PEX7: variants seen among roughly 807,000 people sequenced by gnomAD.
The protein encoded by PEX7 is PTS2 receptor.
A neutral mutation model predicts 47.5 loss-of-function variants in PEX7; 34 were observed. The observed-to-expected ratio is 0.72, with a 90% CI of 0.54 to 0.95. The LOEUF is 0.95. PEX7 is among the 40% of genes least tolerant of loss of function. The pLI is 0.00. For synonymous variants in PEX7, 141 were observed against 148.8 expected (o/e 0.95, Z 0.38); for missense variants, 394 against 400.3 (o/e 0.98, Z 0.13).
chr6:136,909,190 A>T (rs1775894604), intron 9 of PEX7, among the ~76,000 whole-genome samples: 1 of 152,220 alleles, frequency 6.6e-6, no homozygotes, highest in South Asian at 2.1e-4. Flanking sequence ...AAATGGATGA[A>T]TAGGTGTATA....
chr6:136,823,420 G>A (rs1157950135), intron 1 of PEX7: 1 of 917,914 alleles, frequency 1.1e-6, no homozygotes, highest in Middle Eastern at 5.5e-4. Flanking sequence ...CCCGTCGCGC[G>A]CATTGGCTCA....
intron 3 of PEX7, among the ~76,000 whole-genome samples, chr6:136,841,358 C>T (rs967628094): frequency 6.6e-6 from 1 of 152,158 alleles, no homozygotes; most frequent in African/African-American, 2.4e-5. Context: ...TCCTCAGGCA[C>T]AAAACCTTGG....
chr6:136,827,165 GC>G (rs1290873224), intron 3 of PEX7, among the ~76,000 whole-genome samples: 259 of 152,228 alleles, frequency 1.7e-3, no homozygotes, highest in African/African-American at 6.0e-3. Context: ...ACAGTGCCTG[GC>G]CCGAGAAGGC....
In PEX7 at chr6:136,866,775, T is replaced by C. The variant is rs761643013; in HGVS notation, c.633+42T>C. The C allele has an allele frequency of 2.7e-6, 4 of 1,501,192 alleles. No individual in the cohort carries two copies. The South Asian group carries it at 3.4e-5, about 13-fold the overall frequency. 93.0% of individuals were successfully genotyped at this position (1,501,192 alleles called of 1,614,324 possible). ...TATCCTATGCTGCTGTCCTTCCTAATGTTAAAATGTTCTGAATTTTATTTG... is the reference window on the plus strand; with the variant it reads ...TATCCTATGCTGCTGTCCTTCCTAACGTTAAAATGTTCTGAATTTTATTTG... On this transcript the variant is annotated intron_variant, in intron 6 of 9. Transcript: ENST00000318471.
intron 1 of PEX7, chr6:136,823,015 TG>T (rs1341547269): frequency 1.0e-6 from 1 of 985,342 alleles, no homozygotes; most frequent in Non-Finnish European, 1.2e-6. Flanking sequence ...TGTGTGCAAG[TG>T]CATATACGTG....
At chr6:136,904,461 C>T (rs570935058) in intron 9 of PEX7, among the ~76,000 whole-genome samples, 12 of 152,214 alleles carry the variant, frequency 7.9e-5, no homozygotes, top group South Asian at 6.2e-4. Context: ...GCTGTGTCCC[C>T]GCCCAAATCT....
In PEX7 at chr6:136,910,136, C is replaced by G. The variant is rs139344545; in HGVS notation, c.904-3322C>G. 1.3e-3 allele frequency among the ~76,000 whole-genome samples: 196 copies of G among 152,318 alleles called. 5 individuals carry two copies. The East Asian group carries it at 0.034, about 26-fold the overall frequency. On this transcript the variant is annotated intron_variant, in intron 9 of 9. Transcript: ENST00000318471. ...ACAGGTTTAGGTTCTGGCTGTAGCTCTGCTACTCTATTGTGAACATGAGGA... is the reference window on the plus strand; with the variant it reads ...ACAGGTTTAGGTTCTGGCTGTAGCTGTGCTACTCTATTGTGAACATGAGGA...
chr6:136,823,638 C>T (rs1325098472), intron 1 of PEX7, among the ~76,000 whole-genome samples: 1 of 152,138 alleles, frequency 6.6e-6, no homozygotes, highest in African/African-American at 2.4e-5. Context: ...CGTCTGTAAT[C>T]CCAGCACTTT....
chr6:136,889,325 A>G (rs982129371), intron 8 of PEX7, among the ~76,000 whole-genome samples: 1 of 152,202 alleles, frequency 6.6e-6, no homozygotes, highest in African/African-American at 2.4e-5. Context: ...AGAAACTTGT[A>G]AGACTTTTGA....
chr6:136,899,374 C>G lies in PEX7; in HGVS notation c.903+1133C>G, dbSNP rs1775713283. Reference sequence around the variant, plus strand: ...TCTCCTGCCTCAGCCTCCTGAGTAGCTGGGATTACAGGCACATGCCACCAT... The same window carrying G: ...TCTCCTGCCTCAGCCTCCTGAGTAGGTGGGATTACAGGCACATGCCACCAT... On this transcript the variant is annotated intron_variant, in intron 9 of 9. Coordinates refer to ENST00000318471, the MANE Select transcript of PEX7 (RefSeq NM_000288.4). 2.0e-5 allele frequency among the ~76,000 whole-genome samples: 3 copies of G among 152,104 alleles called. No individual in the cohort carries two copies. In the South Asian group the frequency reaches 6.2e-4, roughly 32 times the overall value.
chr6:136,887,119 C>T (rs890487295), intron 8 of PEX7, among the ~76,000 whole-genome samples: 7 of 151,822 alleles, frequency 4.6e-5, no homozygotes, highest in Non-Finnish European at 7.4e-5. Flanking sequence ...TAGAAATTTT[C>T]CCCTAAATTA....
chr6:136,861,692 A>G (rs2115204793), intron 5 of PEX7, among the ~76,000 whole-genome samples: 1 of 151,692 alleles, frequency 6.6e-6, no homozygotes, highest in East Asian at 1.9e-4. Flanking sequence ...ACTATGTTAG[A>G]TCTTTGTGAA....
At chr6:136,911,748 A>T (rs1249196336) in intron 9 of PEX7, among the ~76,000 whole-genome samples, 1 of 152,176 alleles carries the variant, frequency 6.6e-6, no homozygotes, top group Non-Finnish European at 1.5e-5. Flanking sequence ...GTTGCTATGA[A>T]CATTCGTGTC....
chr6:136,825,364 C>A, intron 2 of PEX7, 93 bp downstream of exon 2: 1 of 1,089,522 alleles, frequency 9.2e-7, no homozygotes, highest in Non-Finnish European at 1.4e-6. Flanking sequence ...TTTTAATATA[C>A]AGTATAAAAG....
chr6:136,888,889 AG>A (rs958091762), intron 8 of PEX7, among the ~76,000 whole-genome samples: 2 of 152,160 alleles, frequency 1.3e-5, no homozygotes, highest in African/African-American at 4.8e-5. Flanking sequence ...ATCTTTTCCA[AG>A]GAGAAGACTT....
In PEX7 at chr6:136,822,775, C is replaced by G; in HGVS notation, c.110C>G (p.Ala37Gly). The stretch of plus-strand genomic sequence containing the variant: ...CCGGGCCGCCTGGCCTGCGCCACCG[C>G]GCAGCACTACGGCATCGCGGGTGAG... ...YLPGRLACAT[A>G]QHYGIAGCGT... The change falls in exon 1 of 10, where the codon GCG becomes GGG. Residue 37 changes from alanine to glycine, a missense_variant. Coordinates refer to ENST00000318471, the MANE Select transcript of PEX7 (RefSeq NM_000288.4). The G allele has an allele frequency of 6.9e-7, 1 of 1,440,972 alleles. No homozygotes were observed. The highest frequency in any genetic ancestry group is 9.1e-7 in the Non-Finnish European group (1 of 1,102,728). 89.3% of individuals were successfully genotyped at this position (1,440,972 alleles called of 1,614,324 possible).
intron 5 of PEX7, among the ~76,000 whole-genome samples, chr6:136,861,986 C>A (rs1395571788): frequency 7.1e-6 from 1 of 140,998 alleles, no homozygotes; most frequent in Non-Finnish European, 1.6e-5. Flanking sequence ...GAGATCATTT[C>A]ATCAAAGCTA....
At chr6:136,830,160 G>T (rs12111383) in intron 3 of PEX7, 1 of 641,410 alleles carries the variant, frequency 1.6e-6, no homozygotes, top group Middle Eastern at 2.8e-4. Flanking sequence ...GAGACCTTGC[G>T]TATGTCACAT....
intron 5 of PEX7, among the ~76,000 whole-genome samples, chr6:136,860,055 TGGCA>T (rs1176332890): frequency 6.6e-6 from 1 of 151,766 alleles, no homozygotes; most frequent in Non-Finnish European, 1.5e-5. Context: ...GTTCTGTCAG[TGGCA>T]GGTCTGCAAT....
Sources: allele counts gnomAD v4.1 joint callset (sites outside exome capture counted in the v4.1 genomes callset), GRCh38; gene constraint gnomAD v4.1.1; transcripts MANE v1.5; gene names NCBI Gene and HGNC (gene_info 2026-07-23, HGNC 2026-07-21).